Variants in C19orf47 observed in about 807,000 individuals in gnomAD.
The protein encoded by C19orf47 is chromosome 19 open reading frame 47.
A neutral mutation model predicts 32.3 loss-of-function variants in C19orf47; 18 were observed. The ratio of observed to expected loss-of-function variants is 0.56; its 90% CI spans 0.39 to 0.83. The LOEUF is 0.83. C19orf47 is among the 40% of genes least tolerant of loss of function. The pLI, the probability that C19orf47 is intolerant of heterozygous loss-of-function variation, is 0.00. For synonymous variants in C19orf47, 202 were observed against 211.1 expected (o/e 0.96, Z 0.37); for missense variants, 484 against 531.6 (o/e 0.91, Z 0.88).
rs1327640085 is a variant in C19orf47 at position 40,321,771 on chromosome 19, G to A, written c.*111C>T. 1.4e-6 allele frequency: 2 copies of A among 1,440,078 alleles called. No homozygotes were observed. Among genetic ancestry groups the A allele is most frequent in the African/African-American group, 1.4e-5 (1 of 69,674 alleles). 89.2% of individuals were successfully genotyped at this position (1,440,078 alleles called of 1,614,324 possible). ...GGGCCTAGCTCTAGAGCCCGAGGGA[G>A]ACAAGCTGTGTCATCCAGGAGCTGG... On this transcript the variant is annotated 3_prime_UTR_variant, in exon 9 of 9. Transcript: ENST00000683109.
chr19:40,334,594 A>G (rs1473670859), intron 4 of C19orf47, among the ~76,000 whole-genome samples: 1 of 152,148 alleles, frequency 6.6e-6, no homozygotes, highest in African/African-American at 2.4e-5. Flanking sequence ...CTAAAATTAT[A>G]AAAACTAGCT....
intron 5 of C19orf47, among the ~76,000 whole-genome samples, chr19:40,329,867 G>C (rs936037378): frequency 6.6e-6 from 1 of 152,156 alleles, no homozygotes; most frequent in East Asian, 1.9e-4. Flanking sequence ...AGGATTTTCT[G>C]CTATAAAAGG....
At chr19:40,328,286 G>A in intron 6 of C19orf47, 127 bp downstream of exon 6, 3 of 1,381,602 alleles carry the variant, frequency 2.2e-6, no homozygotes, top group Non-Finnish European at 2.9e-6. Flanking sequence ...GGTGATTCAG[G>A]TTCAAATGTT....
In C19orf47 at chr19:40,336,400, G is replaced by A. The variant is rs578101454; in HGVS notation, c.27C>T (p.Ser9=). 7.7e-5 allele frequency: 124 copies of A among 1,613,110 alleles called. No homozygotes were observed. Among genetic ancestry groups the A allele is most frequent in the South Asian group, 6.9e-4 (63 of 90,936 alleles). Residue 9 remains serine, a synonymous_variant, in exon 3 of 9, where the codon TCC becomes TCT. Coordinates refer to ENST00000683109, the MANE Select transcript of C19orf47 (RefSeq NM_001256441.2). MVSVTMAT[S]EWIQFFKEAG... ...CTTCCTTAAAGAACTGGATCCACTC[G>A]GAAGTGGCTGTGGGGTTGGACAGGG...
chr19:40,334,122 GAT>G (rs1430200366), intron 4 of C19orf47, among the ~76,000 whole-genome samples, 193 bp from the exon 5 acceptor site: 1 of 152,114 alleles, frequency 6.6e-6, no homozygotes, highest in Non-Finnish European at 1.5e-5. Context: ...AGTATATTCA[GAT>G]ATATATATCT....
chr19:40,312,285 C>G, the C19orf47 span, among the ~76,000 whole-genome samples: 2 of 152,088 alleles, frequency 1.3e-5, no homozygotes, highest in Non-Finnish European at 2.9e-5. Context: ...TGGTGGCTCA[C>G]GCCTGTAATC....
intron 2 of C19orf47, among the ~76,000 whole-genome samples, chr19:40,336,985 C>T (rs1369078674): frequency 1.3e-5 from 2 of 152,202 alleles, no homozygotes; most frequent in Non-Finnish European, 2.9e-5. Flanking sequence ...TGAATCCTAA[C>T]CCTGCGATTT....
At chr19:40,307,080 C>A in the C19orf47 span, among the ~76,000 whole-genome samples, 1 of 145,624 alleles carries the variant, frequency 6.9e-6, no homozygotes, top group Non-Finnish European at 1.5e-5. Context: ...TGAGCCACCG[C>A]GCCCGGCCCT....
chr19:40,305,513 G>A, the C19orf47 span, among the ~76,000 whole-genome samples: 18 of 152,140 alleles, frequency 1.2e-4, 1 homozygote, highest in Admixed American at 7.2e-4. Flanking sequence ...ACAAGATGGC[G>A]CCACATGAGC....
chr19:40,330,923 G>C (rs1010652111), intron 5 of C19orf47, among the ~76,000 whole-genome samples: 1 of 152,174 alleles, frequency 6.6e-6, no homozygotes, highest in Non-Finnish European at 1.5e-5. Flanking sequence ...GTGGCTGGGA[G>C]GGGGCACAGG....
intron 2 of C19orf47, among the ~76,000 whole-genome samples, chr19:40,337,885 G>T (rs1374675890): frequency 6.6e-6 from 1 of 152,160 alleles, no homozygotes; most frequent in Non-Finnish European, 1.5e-5. Context: ...ATTTCCCTAT[G>T]TTGTGCAGGC....
chr19:40,304,578 T>G, the C19orf47 span, among the ~76,000 whole-genome samples: 116 of 152,252 alleles, frequency 7.6e-4, 1 homozygote, highest in Non-Finnish European at 7.1e-4. Context: ...CCTCCCATAA[T>G]TTAGGTCACC....
chr19:40,334,907 G>A (rs958283723), intron 4 of C19orf47: 11 of 142,600 alleles, frequency 7.7e-5, no homozygotes, highest in Admixed American at 6.4e-4. Context: ...GTGAGACCCT[G>A]TCTCAAAAAT....
chr19:40,326,629 C>T (rs2077836581), intron 6 of C19orf47, 143 bp from the exon 7 acceptor site: 1 of 1,058,624 alleles, frequency 9.4e-7, no homozygotes, highest in South Asian at 1.7e-5. Context: ...CACCACTGAC[C>T]GAACCACAGA....
chr19:40,311,781 G>A, the C19orf47 span, among the ~76,000 whole-genome samples: 1 of 151,906 alleles, frequency 6.6e-6, no homozygotes, highest in Non-Finnish European at 1.5e-5. Flanking sequence ...TCAGCCTCCT[G>A]AGCAGCTGGG....
At chr19:40,348,267 C>G in intron 1 of C19orf47, 57 bp downstream of exon 1, 1 of 1,198,280 alleles carries the variant, frequency 8.3e-7, no homozygotes, top group East Asian at 3.3e-5. Flanking sequence ...GACACCCGGA[C>G]GCCACCCGTC....
chr19:40,309,692 A>G, the C19orf47 span, among the ~76,000 whole-genome samples: 3 of 152,126 alleles, frequency 2.0e-5, no homozygotes, highest in African/African-American at 7.2e-5. Context: ...ATCTCAAAAA[A>G]AAAAAAAAGA....
intron 1 of C19orf47, among the ~76,000 whole-genome samples, chr19:40,346,116 A>G (rs1414777795): frequency 2.7e-5 from 4 of 149,862 alleles, no homozygotes; most frequent in African/African-American, 7.4e-5. Flanking sequence ...AAACTGTACC[A>G]CTACACTCCA....
rs201616754 is a variant in C19orf47, at chr19:40,322,170, C to T, written c.870G>A (p.Pro290=). ...ATSSATTAAA[P]TLRRLALSSR... ...AGGAAAGCGCCAGGCGCCGCAGTGT[C>T]GGGGCAGCAGCCGTTGTCGCTGAGC... Residue 290 remains proline, a synonymous_variant, in exon 9 of 9, where the codon CCG becomes CCA. Transcript: ENST00000683109. 9.9e-6 allele frequency: 16 copies of T among 1,612,462 alleles called. No individual in the cohort carries two copies. The highest frequency in any genetic ancestry group is 1.7e-5 in the Admixed American group (1 of 60,012).
Sources: allele counts gnomAD v4.1 joint callset (sites outside exome capture counted in the v4.1 genomes callset), GRCh38; gene constraint gnomAD v4.1.1; transcripts MANE v1.5; gene names NCBI Gene and HGNC (gene_info 2026-07-23, HGNC 2026-07-21).